Variants in DENND2B observed in about 807,000 individuals in gnomAD.
The protein encoded by DENND2B is DENN domain containing 2B.
A neutral mutation model predicts 116.0 loss-of-function variants in DENND2B; 32 were observed. That is an observed-to-expected ratio of 0.28 (90% confidence interval 0.21 to 0.37). The LOEUF (loss-of-function observed/expected upper bound fraction) is 0.37. DENND2B is among the 10% of genes least tolerant of loss of function. The pLI, the probability that DENND2B is intolerant of heterozygous loss-of-function variation, is 1.00. For missense variants in DENND2B, 1,276 were observed against 1,477.7 expected (o/e 0.86, Z 2.24); for synonymous variants, 588 against 583.9 (o/e 1.01, Z -0.10).
chr11:8,697,341 C>G (rs755209329), intron 17 of DENND2B, among the ~76,000 whole-genome samples, 184 bp downstream of exon 17: 6 of 152,258 alleles, frequency 3.9e-5, no homozygotes, highest in Non-Finnish European at 7.3e-5. Flanking sequence ...TTTGGGGTTG[C>G]CACATGTCTT....
chr11:8,757,558 A>T (rs897763417), intron 1 of DENND2B, among the ~76,000 whole-genome samples: 1 of 152,250 alleles, frequency 6.6e-6, no homozygotes, highest in African/African-American at 2.4e-5. Flanking sequence ...AGGGGACCTA[A>T]GGAAAAGCAA....
intron 14 of DENND2B, chr11:8,699,983 A>AGAAT (rs1565628403): frequency 2.2e-6 from 1 of 456,324 alleles, no homozygotes; most frequent in Non-Finnish European, 4.4e-6. Context: ...CGTCCCTCCC[A>AGAAT]GAATGGTCCT....
upstream of DENND2B, among the ~76,000 whole-genome samples, chr11:8,871,824 G>T (rs546996985): frequency 3.0e-4 from 45 of 152,336 alleles, no homozygotes; most frequent in African/African-American, 1.0e-3. Context: ...TGATTTATTA[G>T]TGGAATTTGA....
chr11:8,767,695 C>T (rs2056103231), intron 1 of DENND2B, among the ~76,000 whole-genome samples: 1 of 152,218 alleles, frequency 6.6e-6, no homozygotes, highest in Non-Finnish European at 1.5e-5. Flanking sequence ...TCCTACCACA[C>T]TCCACTCAGT....
intron 4 of DENND2B, among the ~76,000 whole-genome samples, chr11:8,836,325 G>A (rs2062423732): frequency 6.6e-6 from 1 of 151,586 alleles, no homozygotes; most frequent in South Asian, 2.1e-4. Context: ...AGCAGCCTGA[G>A]AGCCTCCCAG....
At chr11:8,860,768 A>G (rs886470527) in intron 2 of DENND2B, among the ~76,000 whole-genome samples, 1 of 152,166 alleles carries the variant, frequency 6.6e-6, no homozygotes, top group Non-Finnish European at 1.5e-5. Context: ...AAATCTGTAG[A>G]CATCACGTTA....
intron 4 of DENND2B, chr11:8,839,284 T>C (rs2062542507): frequency 6.6e-6 from 1 of 152,160 alleles, no homozygotes; most frequent in African/African-American, 2.4e-5. Context: ...ATCCACTGAT[T>C]TAAAAAACAA....
At chr11:8,744,440 T>C (rs1196103650) in intron 2 of DENND2B, among the ~76,000 whole-genome samples, 1 of 152,094 alleles carries the variant, frequency 6.6e-6, no homozygotes, top group Non-Finnish European at 1.5e-5. Context: ...AGCCAACCCA[T>C]GAAGTTTTTA....
At chr11:8,711,642 C>T (rs1376152963) in intron 9 of DENND2B, among the ~76,000 whole-genome samples, 2 of 151,978 alleles carry the variant, frequency 1.3e-5, no homozygotes, top group Middle Eastern at 3.4e-3. Context: ...CCGAGACTGG[C>T]GGATCACCTG....
chr11:8,693,726 G>C lies in DENND2B; in HGVS notation c.*370C>G, dbSNP rs896277565. The C allele has an allele frequency of 4.7e-6, 1 of 212,648 alleles. No homozygotes were observed. Among genetic ancestry groups the C allele is most frequent in the Admixed American group, 5.7e-5 (1 of 17,546 alleles). 13.2% of individuals were successfully genotyped at this position (212,648 alleles called of 1,614,324 possible). ...TGGCAGCGGGGACCTCAGGCAGGCA[G>C]GCAGGCCGAAGGCCTCCAGGGAAGA... On this transcript the variant is annotated 3_prime_UTR_variant, in exon 20 of 20. Transcript: ENST00000313726.
intron 1 of DENND2B, among the ~76,000 whole-genome samples, chr11:8,884,908 G>C (rs2134733229): frequency 6.6e-6 from 1 of 152,328 alleles, no homozygotes; most frequent in East Asian, 1.9e-4. Flanking sequence ...CTGAAACCTT[G>C]TAAAGAGAGG....
intron 1 of DENND2B, among the ~76,000 whole-genome samples, chr11:8,766,037 C>T (rs1172592997): frequency 6.6e-6 from 1 of 151,672 alleles, no homozygotes; most frequent in Non-Finnish European, 1.5e-5. Context: ...TAAAAACAAA[C>T]AAAAAACCTA....
chr11:8,732,481 G>A (rs2048281077), intron 2 of DENND2B, among the ~76,000 whole-genome samples: 2 of 152,148 alleles, frequency 1.3e-5, no homozygotes, highest in South Asian at 4.1e-4. Flanking sequence ...GGGCCCTGAG[G>A]CAACTCAAGA....
chr11:8,822,640 T>C (rs972242295), intron 4 of DENND2B, among the ~76,000 whole-genome samples: 4 of 152,234 alleles, frequency 2.6e-5, no homozygotes, highest in African/African-American at 9.6e-5. Context: ...ACGTGGACTG[T>C]ACCATCCCCA....
chr11:8,738,976 T>A (rs1410145484), intron 2 of DENND2B, among the ~76,000 whole-genome samples: 1 of 152,204 alleles, frequency 6.6e-6, no homozygotes, highest in Non-Finnish European at 1.5e-5. Context: ...AACACTGCAT[T>A]GCACCAGACT....
At position 8,743,850 on chromosome 11, in the gene DENND2B, G is replaced by A. The variant is rs902953079; in HGVS notation, c.80+6771C>T. 3.3e-5 allele frequency among the ~76,000 whole-genome samples: 5 copies of A among 151,354 alleles called. No individual in the cohort carries two copies. The Middle Eastern group carries it at 0.01, about 311-fold the overall frequency. ...CAGCCTTGACCTCCCAGGCTCAAGCGATCCTCCCACCTCAGCCTCCAGAGG... is the reference window on the plus strand; with the variant it reads ...CAGCCTTGACCTCCCAGGCTCAAGCAATCCTCCCACCTCAGCCTCCAGAGG... On this transcript the variant is annotated intron_variant, in intron 2 of 19. Transcript: ENST00000313726.
In DENND2B at chr11:8,868,913, G is replaced by C. The variant is rs774040362; in HGVS notation, c.-250+2041C>G. Among the ~76,000 whole-genome samples the C allele has an allele frequency of 2.0e-4, 31 of 152,290 alleles. 1 individual carries two copies. In the Middle Eastern group the frequency reaches 0.01, roughly 50 times the overall value. On this transcript the variant is annotated intron_variant, in intron 2 of 6. Transcript: ENST00000524757. ...CAAGTTTGTCCAACCTGCGGCCCAT[G>C]GGCCGCCCAGGACGGCTCTGAGTGT... is the stretch of plus-strand genomic sequence containing the variant.
chr11:8,701,339 G>T (rs977022931), intron 14 of DENND2B, among the ~76,000 whole-genome samples: 2 of 48,632 alleles, frequency 4.1e-5, no homozygotes, highest in Non-Finnish European at 1.0e-4. Flanking sequence ...GGGAAGGCCA[G>T]CTTCCGGGGG....
At chr11:8,758,696 A>T (rs1287236737) in intron 1 of DENND2B, among the ~76,000 whole-genome samples, 1 of 152,184 alleles carries the variant, frequency 6.6e-6, no homozygotes, top group Non-Finnish European at 1.5e-5. Flanking sequence ...CTCCTATATG[A>T]CAACAGTGGG....
Sources: allele counts gnomAD v4.1 joint callset (sites outside exome capture counted in the v4.1 genomes callset), GRCh38; gene constraint gnomAD v4.1.1; transcripts MANE v1.5; gene names NCBI Gene and HGNC (gene_info 2026-07-23, HGNC 2026-07-21).